Variants in NREP observed in about 807,000 individuals in gnomAD.
The protein encoded by NREP is neuronal regeneration related protein.
In NREP, 5 loss-of-function variants were observed where a neutral mutation model predicts 8.6. That is an observed-to-expected ratio of 0.58 (90% CI 0.30 to 1.22). The LOEUF is 1.22. Among genes scored for constraint, NREP ranks in the 50% most tolerant of loss-of-function variants. NREP has a pLI of 0.07. For synonymous variants in NREP, 27 were observed against 28.0 expected (o/e 0.96, Z 0.11); for missense variants, 86 against 82.5 (o/e 1.04, Z -0.17).
intron 2 of NREP, among the ~76,000 whole-genome samples, chr5:111,819,783 G>C (rs924244746): frequency 6.6e-6 from 1 of 152,152 alleles, no homozygotes; most frequent in African/African-American, 2.4e-5. Flanking sequence ...CCTGAATGAA[G>C]CTTATTTAAC....
intron 2 of NREP, among the ~76,000 whole-genome samples, chr5:111,882,342 A>G (rs910741833): frequency 6.6e-6 from 1 of 152,212 alleles, no homozygotes; most frequent in African/African-American, 2.4e-5. Flanking sequence ...AAAAGACTGA[A>G]TCTACGTCTG....
At chr5:111,807,627 G>C (rs1182096585) in intron 2 of NREP, among the ~76,000 whole-genome samples, 1 of 152,022 alleles carries the variant, frequency 6.6e-6, no homozygotes, top group Admixed American at 6.6e-5. Context: ...AGAGTGAAAG[G>C]TAGTTGCTTG....
intron 2 of NREP, among the ~76,000 whole-genome samples, chr5:111,804,937 C>T (rs184735934): frequency 6.6e-6 from 1 of 152,080 alleles, no homozygotes; most frequent in African/African-American, 2.4e-5. Flanking sequence ...GGAGGCAGAG[C>T]TTGCAGTGAG....
intron 2 of NREP, among the ~76,000 whole-genome samples, chr5:111,901,337 G>A (rs557970055): frequency 2.6e-5 from 4 of 152,132 alleles, no homozygotes; most frequent in African/African-American, 9.6e-5. Context: ...GGCATCAAAG[G>A]AAGCTGATAT....
chr5:111,737,125 C>T (rs188078039), intron 2 of NREP, among the ~76,000 whole-genome samples: 1 of 152,328 alleles, frequency 6.6e-6, no homozygotes, highest in East Asian at 1.9e-4. Context: ...ACATATTCCT[C>T]TCCTGTGCCC....
intron 2 of NREP, among the ~76,000 whole-genome samples, chr5:111,865,280 C>G (rs900881064): frequency 6.6e-6 from 1 of 152,138 alleles, no homozygotes; most frequent in Non-Finnish European, 1.5e-5. Context: ...AGTGGTATAG[C>G]TCACACAACA....
upstream of NREP, chr5:111,757,811 T>C (rs541461577): frequency 6.2e-4 from 601 of 971,264 alleles, 1 homozygote; most frequent in African/African-American, 0.01. Context: ...TGCGGTTGCT[T>C]TTCAGACAAA....
chr5:111,955,831 C>A, intron 2 of NREP, among the ~76,000 whole-genome samples: 1 of 147,318 alleles, frequency 6.8e-6, no homozygotes. Context: ...TAGACAGAGC[C>A]AAAAGGTTTG....
intron 2 of NREP, among the ~76,000 whole-genome samples, chr5:111,945,598 G>T (rs1411537376): frequency 6.6e-6 from 1 of 151,978 alleles, no homozygotes; most frequent in African/African-American, 2.4e-5. Context: ...ACAAGGGTTT[G>T]TTTTGTTGAA....
intron 2 of NREP, among the ~76,000 whole-genome samples, chr5:111,924,838 G>T (rs1436597860): frequency 1.3e-5 from 2 of 152,212 alleles, no homozygotes; most frequent in East Asian, 3.9e-4. Flanking sequence ...TCACACCTCT[G>T]GGTTAATATT....
rs371157156 is a variant in NREP at position 111,848,747 on chromosome 5, G to A, written c.136-113240C>T. 6.1e-4 allele frequency among the ~76,000 whole-genome samples: 93 copies of A among 151,936 alleles called. 1 individual carries two copies. The highest frequency in any genetic ancestry group is 2.2e-3 in the African/African-American group (92 of 41,432). On this transcript the variant is annotated intron_variant, in intron 2 of 3. Coordinates refer to the NREP transcript ENST00000395634. ...ATGGCATCCAACGATATTTCAGTGC[G>A]TAAGATGAATGCCATGCTTTAATGT... is the stretch of plus-strand genomic sequence containing the variant.
chr5:111,912,427 G>T (rs1233042945), intron 2 of NREP: 1 of 152,136 alleles, frequency 6.6e-6, no homozygotes, highest in East Asian at 1.9e-4. Flanking sequence ...TCTATATATT[G>T]TGACTGTATA....
intron 2 of NREP, among the ~76,000 whole-genome samples, chr5:111,954,203 T>C (rs1163532054): frequency 6.6e-6 from 1 of 152,152 alleles, no homozygotes; most frequent in African/African-American, 2.4e-5. Flanking sequence ...TCTTCAGATA[T>C]TAGAAGAACT....
chr5:111,876,933 A>G (rs1459703271), intron 2 of NREP, among the ~76,000 whole-genome samples: 4 of 152,230 alleles, frequency 2.6e-5, no homozygotes, highest in Non-Finnish European at 5.9e-5. Flanking sequence ...AAGTGATAGA[A>G]TCAGAATGTA....
At chr5:111,970,632 C>T (rs1756786309) in intron 2 of NREP, among the ~76,000 whole-genome samples, 1 of 151,966 alleles carries the variant, frequency 6.6e-6, no homozygotes, top group African/African-American at 2.4e-5. Flanking sequence ...TTGAGACCAG[C>T]CTGGCCAACA....
intron 2 of NREP, among the ~76,000 whole-genome samples, chr5:111,965,984 G>A (rs896963119): frequency 1.1e-4 from 17 of 152,174 alleles, no homozygotes; most frequent in Admixed American, 2.0e-4. Context: ...GGCTGCAACC[G>A]TGATGTGAAT....
chr5:111,881,580 C>G (rs931293401), intron 2 of NREP, among the ~76,000 whole-genome samples: 1 of 152,162 alleles, frequency 6.6e-6, no homozygotes, highest in Non-Finnish European at 1.5e-5. Flanking sequence ...GAGGCACCCC[C>G]CAGTAGGGGC....
intron 2 of NREP, among the ~76,000 whole-genome samples, chr5:111,950,461 C>G (rs1387917593): frequency 6.6e-6 from 1 of 152,084 alleles, no homozygotes; most frequent in Non-Finnish European, 1.5e-5. Flanking sequence ...AAAACCTAGG[C>G]AATACCATTC....
intron 2 of NREP, among the ~76,000 whole-genome samples, chr5:111,749,738 C>G (rs1750235097): frequency 6.6e-6 from 1 of 152,172 alleles, no homozygotes; most frequent in Non-Finnish European, 1.5e-5. Flanking sequence ...TGCAAGGCAG[C>G]AACATACTCT....
Sources: gnomAD v4.1 joint callset for allele counts (sites outside exome capture counted in the v4.1 genomes callset) on GRCh38, gnomAD v4.1.1 for gene constraint, MANE v1.5 for transcripts, NCBI Gene and HGNC (gene_info 2026-07-23, HGNC 2026-07-21) for gene names.